Variants in BLTP1 observed in about 807,000 individuals in gnomAD.
The protein encoded by BLTP1 is bridge-like lipid transfer protein family member 1, also known as fragile site-associated protein.
At chr4:122,337,765 T>C in the BLTP1 span, among the ~76,000 whole-genome samples, 1 of 151,072 alleles carries the variant, frequency 6.6e-6, no homozygotes, top group Admixed American at 6.6e-5. Context: ...TGTTACCTAG[T>C]TTTTATTTAA....
At chr4:122,155,115 C>A in the BLTP1 span, 2 of 164,592 alleles carry the variant, frequency 1.2e-5, no homozygotes, top group South Asian at 2.0e-4. Context: ...GAGAACACTA[C>A]AGTAGTGCAT....
chr4:122,232,451 G>A, the BLTP1 span, among the ~76,000 whole-genome samples: 1 of 151,958 alleles, frequency 6.6e-6, no homozygotes, highest in African/African-American at 2.4e-5. Flanking sequence ...GCTAAATCTA[G>A]CAACTCTGTC....
the BLTP1 span, chr4:122,175,945 G>C: frequency 9.8e-7 from 1 of 1,018,342 alleles, no homozygotes; most frequent in Non-Finnish European, 1.5e-6. Flanking sequence ...TGTTTAAAAT[G>C]TTCAATCATA....
the BLTP1 span, among the ~76,000 whole-genome samples, chr4:122,241,849 A>G: frequency 2.6e-5 from 4 of 152,156 alleles, no homozygotes; most frequent in African/African-American, 7.2e-5. Flanking sequence ...TTATTTCAGT[A>G]TTTTAAATAA....
At chr4:122,175,014 A>G in the BLTP1 span, 20 of 938,050 alleles carry the variant, frequency 2.1e-5, no homozygotes, top group South Asian at 3.5e-4. Context: ...ATTAGAGATA[A>G]TAAGTTTATA....
chr4:122,226,900 G>A, the BLTP1 span: 2 of 1,263,498 alleles, frequency 1.6e-6, no homozygotes, highest in South Asian at 3.2e-5. Flanking sequence ...GGAATATTGA[G>A]ATATCAGCTT....
At chr4:122,180,307 GT>G in the BLTP1 span, among the ~76,000 whole-genome samples, 3 of 151,890 alleles carry the variant, frequency 2.0e-5, no homozygotes, top group South Asian at 2.1e-4. Context: ...ATAAATACTA[GT>G]TTTTTTCTCT....
At chr4:122,224,603 A>T in the BLTP1 span, 6 of 1,614,102 alleles carry the variant, frequency 3.7e-6, no homozygotes, top group East Asian at 1.1e-4. Context: ...TCCTTTGGGA[A>T]GCGATTCCTT....
At chr4:122,182,294 G>A in the BLTP1 span, among the ~76,000 whole-genome samples, 1 of 152,116 alleles carries the variant, frequency 6.6e-6, no homozygotes, top group Non-Finnish European at 1.5e-5. Context: ...TGAATCTGAA[G>A]TAGTGACTAC....
chr4:122,268,769 C>T, the BLTP1 span, among the ~76,000 whole-genome samples: 1 of 152,192 alleles, frequency 6.6e-6, no homozygotes, highest in Admixed American at 6.6e-5. Flanking sequence ...AACAAGGAGG[C>T]AACACAAGTA....
the BLTP1 span, chr4:122,304,721 C>T: frequency 1.3e-6 from 2 of 1,551,758 alleles, no homozygotes; most frequent in Non-Finnish European, 1.7e-6. Flanking sequence ...TTATCATATA[C>T]TGAAAGACTA....
the BLTP1 span, chr4:122,308,266 T>TA: frequency 3.2e-6 from 4 of 1,243,110 alleles, no homozygotes; most frequent in Non-Finnish European, 4.5e-6. Flanking sequence ...TAACAGTTTA[T>TA]AACTGTTTAG....
the BLTP1 span, chr4:122,152,561 C>G: frequency 1.0e-6 from 1 of 985,626 alleles, no homozygotes; most frequent in South Asian, 4.7e-5. Flanking sequence ...AGAGGGATTT[C>G]GGGCTGCCTC....
the BLTP1 span, among the ~76,000 whole-genome samples, chr4:122,300,083 G>T: frequency 2.0e-5 from 3 of 152,090 alleles, no homozygotes; most frequent in African/African-American, 7.2e-5. Context: ...TCGGCTCACT[G>T]CAACTTCTGC....
chr4:122,170,160 G>C, the BLTP1 span: 1 of 315,944 alleles, frequency 3.2e-6, no homozygotes, highest in Admixed American at 6.5e-5. Context: ...TACAAAATTA[G>C]CCAGGCGTGG....
the BLTP1 span, among the ~76,000 whole-genome samples, chr4:122,303,311 G>C: frequency 1.3e-5 from 2 of 152,132 alleles, no homozygotes; most frequent in African/African-American, 4.8e-5. Flanking sequence ...CCCGCTATGG[G>C]TCTACTGCTC....
At chr4:122,299,058 A>G in the BLTP1 span, 4 of 984,606 alleles carry the variant, frequency 4.1e-6, no homozygotes, top group Non-Finnish European at 4.8e-6. Flanking sequence ...GCTAGGATCC[A>G]CATATATATG....
the BLTP1 span, among the ~76,000 whole-genome samples, chr4:122,335,274 T>C: frequency 6.6e-6 from 1 of 151,990 alleles, no homozygotes; most frequent in Non-Finnish European, 1.5e-5. Flanking sequence ...GGCTTAGCCT[T>C]AGAAGTCACA....
At chr4:122,179,934 C>T in the BLTP1 span, 7 of 985,180 alleles carry the variant, frequency 7.1e-6, no homozygotes, top group Non-Finnish European at 8.4e-6. Context: ...GGCATATCCC[C>T]AGCAGTGAGC....
Sources: allele counts gnomAD v4.1 joint callset (sites outside exome capture counted in the v4.1 genomes callset), GRCh38; gene constraint gnomAD v4.1.1; transcripts MANE v1.5; gene names NCBI Gene and HGNC (gene_info 2026-07-23, HGNC 2026-07-21).